VASN: variants seen among roughly 807,000 people sequenced by gnomAD.
VASN encodes protein slit-like 2.
VASN carries 5 observed loss-of-function variants against 4.8 expected under a neutral mutation model. That is an observed-to-expected ratio of 1.03 (90% CI 0.54 to 2.17). The LOEUF (loss-of-function observed/expected upper bound fraction) is 2.17, where lower values mean the gene tolerates loss of function less well. Among genes scored for constraint, VASN ranks in the 30% most tolerant of loss-of-function variants. VASN has a pLI of 0.01. For missense variants in VASN, 927 were observed against 948.8 expected (o/e 0.98, Z 0.30); for synonymous variants, 499 against 460.8 (o/e 1.08, Z -1.06).
chr16:4,382,999 GGGATGTGTGCAGACAGGGCTGTGT>G lies in VASN; in HGVS notation c.*102_*125del. The G allele has an allele frequency of 7.7e-7, 1 of 1,297,274 alleles. No individual in the cohort carries two copies. The highest frequency in any genetic ancestry group is 1.0e-6 in the Non-Finnish European group (1 of 965,592). 80.4% of individuals were successfully genotyped at this position (1,297,274 alleles called of 1,614,324 possible). The stretch of plus-strand genomic sequence containing the variant: ...ACGTAAGTTCTCAGTCCCAACCTCG[GGGATGTGTGCAGACAGGGCTGTGT>G]GACCACAGCTGGGCCCTGTTCCCTC... On this transcript the variant is annotated 3_prime_UTR_variant, in exon 2 of 2. Coordinates refer to ENST00000304735, the MANE Select transcript of VASN (RefSeq NM_138440.3).
At chr16:4,372,288 C>T (rs924676820) in intron 1 of VASN, among the ~76,000 whole-genome samples, 8 of 152,342 alleles carry the variant, frequency 5.3e-5, no homozygotes, top group African/African-American at 1.7e-4. Context: ...TTCCTCCTCC[C>T]ACGGCTGGGC....
chr16:4,374,398 AG>A (rs1421308568), intron 1 of VASN, among the ~76,000 whole-genome samples: 7 of 151,526 alleles, frequency 4.6e-5, no homozygotes, highest in Non-Finnish European at 2.9e-5. Flanking sequence ...GGTTTTGGGC[AG>A]GGGGTGGGGG....
chr16:4,383,004 G>A lies in VASN; in HGVS notation c.*105G>A. 1 of 1,259,194 alleles carries A rather than the reference G, an allele frequency of 7.9e-7. No homozygotes were observed. The allele number at this position is 1,259,194 out of a possible 1,614,324, so 78.0% of individuals were successfully genotyped here. A position where few individuals can be genotyped will look rare whatever the true frequency, so the allele number is the denominator to read the frequency against. On this transcript the variant is annotated 3_prime_UTR_variant, in exon 2 of 2. Transcript: ENST00000304735. ...AGTTCTCAGTCCCAACCTCGGGGAT[G>A]TGTGCAGACAGGGCTGTGTGACCAC...
In VASN at chr16:4,383,018, CTG is replaced by C; in HGVS notation, c.*124_*125del. ...ACCTCGGGGATGTGTGCAGACAGGG[CTG>C]TGTGACCACAGCTGGGCCCTGTTCC... On this transcript the variant is annotated 3_prime_UTR_variant, in exon 2 of 2. Coordinates refer to ENST00000304735, the MANE Select transcript of VASN (RefSeq NM_138440.3). The C allele has an allele frequency of 8.9e-7, 1 of 1,129,836 alleles. No homozygotes were observed. The highest frequency in any genetic ancestry group is 1.7e-5 in the South Asian group (1 of 58,714). The allele number at this position is 1,129,836 out of a possible 1,614,324, so 70.0% of individuals were successfully genotyped here.
chr16:4,375,763 C>A (rs192351749), intron 1 of VASN, among the ~76,000 whole-genome samples: 8 of 152,332 alleles, frequency 5.3e-5, no homozygotes, highest in Admixed American at 2.0e-4. Flanking sequence ...ACTGGGATTA[C>A]AGGCGTGAGC....
rs560441052 is a variant in VASN at position 4,382,047 on chromosome 16, C to A, written c.1170C>A (p.Pro390=). ...LSPTEPATEA[P]SPPSTAPPTV... is the part of the protein sequence containing the mutation. ...CCACAGAGCCGGCCACTGAGGCCCC[C>A]AGCCCGCCCTCCACTGCCCCACCGA... Residue 390 remains proline, a synonymous_variant, in exon 2 of 2, where the codon CCC becomes CCA. Transcript: ENST00000304735. 1.3e-5 allele frequency: 21 copies of A among 1,593,162 alleles called. No homozygotes were observed. The highest frequency in any genetic ancestry group is 1.7e-5 in the Non-Finnish European group (20 of 1,171,682).
intron 1 of VASN, among the ~76,000 whole-genome samples, chr16:4,375,784 G>A (rs944184992): frequency 2.0e-5 from 3 of 152,198 alleles, no homozygotes; most frequent in East Asian, 1.9e-4. Flanking sequence ...CACCATGCCC[G>A]GCAGAATTTC....
chr16:4,382,454 G>A lies in VASN; in HGVS notation c.1577G>A (p.Arg526Gln), dbSNP rs749941992. 57 of 1,608,612 alleles carry A rather than the reference G, an allele frequency of 3.5e-5. No individual in the cohort carries two copies. The highest frequency in any genetic ancestry group is 2.2e-4 in the Admixed American group (13 of 59,624). Reference sequence around the variant, plus strand: ...GCTGAGTACACGGTCACCCAGCTGCGGCCCAACGCCACTTACTCCGTCTGT... The same window carrying A: ...GCTGAGTACACGGTCACCCAGCTGCAGCCCAACGCCACTTACTCCGTCTGT... ...SLAEYTVTQL[R>Q]PNATYSVCVM... The change falls in exon 2 of 2, where the codon CGG (arginine) becomes CAG (glutamine). Residue 526 changes from arginine (R) to glutamine (Q), a missense_variant. Transcript: ENST00000304735.
Position 4,381,405 on chromosome 16 carries a change from C to T in VASN, c.528C>T (p.Leu176=), listed in dbSNP as rs1478231323. Residue 176 remains leucine (L), a synonymous_variant, in exon 2 of 2, where the codon CTC becomes CTT. Transcript: ENST00000304735. ...LRLPRLLLLD[L]SHNSLLALEP... is the part of the protein sequence containing the mutation. The stretch of plus-strand genomic sequence containing the variant: ...TGCCCCGCCTGCTGCTGCTGGACCT[C>T]AGCCACAACAGCCTCCTGGCCCTGG... 2.5e-6 allele frequency: 4 copies of T among 1,585,576 alleles called. No homozygotes were observed. Among genetic ancestry groups the T allele is most frequent in the East Asian group, 2.3e-5 (1 of 42,978 alleles).
chr16:4,376,305 G>A (rs561407155), intron 1 of VASN, among the ~76,000 whole-genome samples: 2 of 152,336 alleles, frequency 1.3e-5, no homozygotes, highest in African/African-American at 4.8e-5. Context: ...CGCCGGCACA[G>A]TCCCGCCTGC....
At chr16:4,380,848 C>T (rs1204007370) in intron 1 of VASN, 21 bp from the exon 2 acceptor site, 1 of 1,458,312 alleles carries the variant, frequency 6.9e-7, no homozygotes, top group Non-Finnish European at 9.0e-7. Context: ...TCTTCTGTCT[C>T]TGCCTCCTCT....
chr16:4,373,863 C>T (rs148661620), intron 1 of VASN, among the ~76,000 whole-genome samples: 2,625 of 152,190 alleles, frequency 0.017, 35 homozygotes, highest in Non-Finnish European at 0.026. Flanking sequence ...AGAGGGGAGG[C>T]TGCCCACAGG....
Position 4,381,003 on chromosome 16 carries a change from G to C in VASN, c.126G>C (p.Gln42His). ...QPQTVFCTAR[Q>H]GTTVPRDVPP... ...AGACAGTCTTCTGCACTGCCCGCCA[G>C]GGGACCACGGTGCCCCGAGACGTGC... The change falls in exon 2 of 2, where the codon CAG (glutamine) becomes CAC (histidine). Residue 42 changes from glutamine (Q) to histidine (H), a missense_variant. Physicochemically the swap from Gln to His is conservative, Grantham distance 24. Coordinates refer to ENST00000304735, the MANE Select transcript of VASN (RefSeq NM_138440.3). 6.2e-7 allele frequency: 1 copy of C among 1,608,672 alleles called. No individual in the cohort carries two copies.
intron 1 of VASN, among the ~76,000 whole-genome samples, chr16:4,374,473 T>C (rs1309104226): frequency 6.6e-6 from 1 of 152,020 alleles, no homozygotes; most frequent in Non-Finnish European, 1.5e-5. Context: ...TCGTGGGGAA[T>C]GCAATAAGGT....
At chr16:4,377,999 T>G (rs2054809563) in intron 1 of VASN, among the ~76,000 whole-genome samples, 1 of 152,004 alleles carries the variant, frequency 6.6e-6, no homozygotes, top group Non-Finnish European at 1.5e-5. Flanking sequence ...CAGCATCCCC[T>G]CTCCCTTCAC....
intron 1 of VASN, 104 bp downstream of exon 1, chr16:4,372,097 G>A (rs1195666294): frequency 6.6e-6 from 1 of 151,616 alleles, no homozygotes; most frequent in Non-Finnish European, 1.5e-5. Flanking sequence ...ACGCACTCTC[G>A]GGCGGGACCG....
At chr16:4,379,685 T>C (rs1303418599) in intron 1 of VASN, among the ~76,000 whole-genome samples, 1 of 152,012 alleles carries the variant, frequency 6.6e-6, no homozygotes, top group Non-Finnish European at 1.5e-5. Context: ...ACTTGCACCA[T>C]CACTGCCAAG....
intron 1 of VASN, among the ~76,000 whole-genome samples, chr16:4,378,835 G>A (rs2054846850): frequency 1.3e-5 from 2 of 152,040 alleles, no homozygotes; most frequent in African/African-American, 4.8e-5. Context: ...GGTTGGGGAG[G>A]CTTAGCCTGC....
intron 1 of VASN, among the ~76,000 whole-genome samples, chr16:4,379,759 G>A (rs527588839): frequency 8.4e-4 from 127 of 151,866 alleles, no homozygotes; most frequent in African/African-American, 2.8e-3. Flanking sequence ...AACAGTAGAC[G>A]AAGCCGGGCA....
Sources: allele counts gnomAD v4.1 joint callset (sites outside exome capture counted in the v4.1 genomes callset), GRCh38; gene constraint gnomAD v4.1.1; transcripts MANE v1.5; gene names NCBI Gene and HGNC (gene_info 2026-07-23, HGNC 2026-07-21).